Variants in PTPRO observed in about 807,000 individuals in gnomAD.
PTPRO encodes protein tyrosine phosphatase receptor type O.
In PTPRO, 62 loss-of-function variants were observed where a neutral mutation model predicts 145.2. The ratio of observed to expected loss-of-function variants is 0.43; its 90% CI spans 0.35 to 0.53. PTPRO has a LOEUF of 0.53. PTPRO is among the 20% of genes least tolerant of loss of function. The pLI, the probability that PTPRO is intolerant of heterozygous loss-of-function variation, is 0.01. For synonymous variants in PTPRO, 565 were observed against 514.7 expected (o/e 1.10, Z -1.32); for missense variants, 1,345 against 1,482.7 (o/e 0.91, Z 1.53).
At chr12:15,517,040 C>A (rs1199035450) in intron 9 of PTPRO, 84 bp downstream of exon 9, 1 of 1,279,888 alleles carries the variant, frequency 7.8e-7, no homozygotes, top group African/African-American at 1.5e-5. Context: ...AAGAAATTAT[C>A]TATAAATTTG....
intron 15 of PTPRO, among the ~76,000 whole-genome samples, chr12:15,552,427 C>T (rs57244821): frequency 0.011 from 1,684 of 152,292 alleles, 30 homozygotes; most frequent in African/African-American, 0.038. Flanking sequence ...AATTAACATT[C>T]TTCTCCTGTC....
chr12:15,438,172 T>A (rs1014076495), intron 1 of PTPRO, among the ~76,000 whole-genome samples: 4 of 151,932 alleles, frequency 2.6e-5, no homozygotes, highest in Admixed American at 2.0e-4. Flanking sequence ...AAGAGAATAA[T>A]AGTAATGACA....
intron 1 of PTPRO, among the ~76,000 whole-genome samples, chr12:15,362,288 GTAACTCTGGTTGGAAAA>G (rs1938233786): frequency 6.6e-6 from 1 of 152,304 alleles, no homozygotes; most frequent in East Asian, 1.9e-4. Flanking sequence ...CAATTGAAGT[GTAACTCTGGTTGGAAAA>G]TAAGTAGGGA....
chr12:15,581,950 C>T (rs1405288909), intron 23 of PTPRO, 149 bp downstream of exon 23: 3 of 1,074,210 alleles, frequency 2.8e-6, no homozygotes, highest in African/African-American at 1.6e-5. Flanking sequence ...TCAGGGGTCT[C>T]ACAGCTTTAA....
At chr12:15,410,684 T>A (rs1297633582) in intron 1 of PTPRO, 2 of 152,210 alleles carry the variant, frequency 1.3e-5, no homozygotes, top group Admixed American at 6.5e-5. Context: ...ATTTGCATCC[T>A]AATGAAAATG....
At chr12:15,426,443 C>G (rs1030788018) in intron 1 of PTPRO, among the ~76,000 whole-genome samples, 1 of 151,852 alleles carries the variant, frequency 6.6e-6, no homozygotes, top group Non-Finnish European at 1.5e-5. Flanking sequence ...GAAAACTATT[C>G]GTGATAATAT....
chr12:15,458,036 A>C (rs879308121), intron 1 of PTPRO, among the ~76,000 whole-genome samples: 1 of 152,226 alleles, frequency 6.6e-6, no homozygotes, highest in Non-Finnish European at 1.5e-5. Flanking sequence ...CTTGTAAAGC[A>C]GTTCCGGTAG....
At position 15,589,494 on chromosome 12, in the gene PTPRO, C is replaced by G; in HGVS notation, c.3450C>G (p.Asp1150Glu). ...GGACAGGAACATTCATTGCCCTGGA[C>G]AGGCTCTTGCAGCACATTCGGGATC... ...VGRTGTFIAL[D>E]RLLQHIRDHE... The change falls in exon 25 of 27, where the codon GAC (aspartate) becomes GAG (glutamate). Residue 1150 changes from aspartate to glutamate, a missense_variant. Around this residue, in one of 3 missense-constraint regions of PTPRO, gnomAD observed 208 missense variants for 242.8 expected, o/e 0.86. Transcript: ENST00000281171. The G allele has an allele frequency of 6.2e-7, 1 of 1,614,088 alleles. No individual in the cohort carries two copies. The highest frequency in any genetic ancestry group is 1.1e-5 in the South Asian group (1 of 91,070).
chr12:15,516,603 A>AAGAAAGGG (rs1412588106), intron 8 of PTPRO, among the ~76,000 whole-genome samples, 160 bp from the exon 9 acceptor site: 1 of 116,984 alleles, frequency 8.5e-6, no homozygotes, highest in African/African-American at 3.5e-5. Flanking sequence ...GGGAGGAAGC[A>AAGAAAGGG]AGAAAGGGAG....
chr12:15,484,368 C>G, intron 2 of PTPRO, 121 bp downstream of exon 2: 1 of 1,078,470 alleles, frequency 9.3e-7, no homozygotes, highest in Non-Finnish European at 1.4e-6. Flanking sequence ...TGCCAAGTGA[C>G]GTAGATTCAA....
intron 1 of PTPRO, among the ~76,000 whole-genome samples, chr12:15,448,391 A>C (rs1187308260): frequency 1.4e-5 from 2 of 144,628 alleles, no homozygotes; most frequent in African/African-American, 5.0e-5. Context: ...GTGGTAAGGA[A>C]CAGAAAATAG....
At chr12:15,522,402 GCTCTCC>G (rs1942742442) in intron 10 of PTPRO, among the ~76,000 whole-genome samples, 1 of 151,796 alleles carries the variant, frequency 6.6e-6, no homozygotes, top group Non-Finnish European at 1.5e-5. Flanking sequence ...TTGTCCTAAT[GCTCTCC>G]CTCCCCTTGC....
At chr12:15,531,549 A>C in intron 12 of PTPRO, among the ~76,000 whole-genome samples, 1 of 152,170 alleles carries the variant, frequency 6.6e-6, no homozygotes, top group East Asian at 1.9e-4. Context: ...CACATCTTCT[A>C]CATTCAAAAA....
chr12:15,529,221 A>G lies in PTPRO; in HGVS notation c.2164+2959A>G, dbSNP rs571977643. ...ACAGCAACCTGTTAAGAGATAGGTA[A>G]TGTAAAGCATGTAAATTGAGGCAAC... On this transcript the variant is annotated intron_variant, in intron 12 of 26. Coordinates refer to ENST00000281171, the MANE Select transcript of PTPRO (RefSeq NM_030667.3). Among the ~76,000 whole-genome samples, 4 of 152,346 alleles carry G rather than the reference A, an allele frequency of 2.6e-5. No homozygotes were observed. In the South Asian group the frequency reaches 8.3e-4, roughly 32 times the overall value.
At chr12:15,546,080 A>G (rs543440556) in intron 12 of PTPRO, among the ~76,000 whole-genome samples, 2 of 152,292 alleles carry the variant, frequency 1.3e-5, no homozygotes, top group African/African-American at 4.8e-5. Flanking sequence ...TAAATTTTCA[A>G]GCAGCCATTT....
rs556611979 is a variant in PTPRO at position 15,493,822 on chromosome 12, C to T, written c.350-3423C>T. ...TCAACCTAAGGCGACATGCCGCAAA[C>T]ATTTATTGCAGCATTATTTGTAAGA... is the stretch of plus-strand genomic sequence containing the variant. On this transcript the variant is annotated intron_variant, in intron 2 of 26. Transcript: ENST00000281171. Among the ~76,000 whole-genome samples, 19 of 152,292 alleles carry T rather than the reference C, an allele frequency of 1.2e-4. No homozygotes were observed. The South Asian group carries it at 3.3e-3, about 27-fold the overall frequency.
At chr12:15,363,617 T>C (rs927685782) in intron 1 of PTPRO, among the ~76,000 whole-genome samples, 2 of 151,882 alleles carry the variant, frequency 1.3e-5, no homozygotes, top group Admixed American at 6.6e-5. Flanking sequence ...TTAGAAGCTA[T>C]ATTTGATAAG....
At chr12:15,366,520 T>C (rs1328421620) in intron 1 of PTPRO, among the ~76,000 whole-genome samples, 1 of 152,178 alleles carries the variant, frequency 6.6e-6, no homozygotes, top group Non-Finnish European at 1.5e-5. Flanking sequence ...CATACCAACA[T>C]TTAGTAAAAT....
At chr12:15,576,296 A>G (rs1944183812) in intron 19 of PTPRO, among the ~76,000 whole-genome samples, 1 of 152,258 alleles carries the variant, frequency 6.6e-6, no homozygotes, top group African/African-American at 2.4e-5. Flanking sequence ...CTGTGTTTAC[A>G]TGCAGTTCCC....
Sources: allele counts gnomAD v4.1 joint callset (sites outside exome capture counted in the v4.1 genomes callset), GRCh38; gene constraint gnomAD v4.1.1; regional missense constraint gnomAD v4.1.1; transcripts MANE v1.5; gene names NCBI Gene and HGNC (gene_info 2026-07-23, HGNC 2026-07-21).